The following PNPLA5 variants were observed in gnomAD, a reference collection of about 807,000 sequenced individuals.
The protein encoded by PNPLA5 is patatin like domain 5, triacylglycerol lipase, also known as patatin-like phospholipase domain-containing protein 5.
PNPLA5 carries 44 observed loss-of-function variants against 49.1 expected under a neutral mutation model. The ratio of observed to expected loss-of-function variants is 0.90; its 90% CI spans 0.70 to 1.15. The LOEUF (loss-of-function observed/expected upper bound fraction) is 1.15. Ranked by LOEUF, PNPLA5 falls within the 50% of genes most tolerant of loss-of-function variation. PNPLA5 has a pLI of 0.00. For missense variants in PNPLA5, 603 were observed against 564.0 expected, an observed-to-expected ratio of 1.07 and a Z score of -0.70; for synonymous variants, 243 against 244.4, an observed-to-expected ratio of 0.99 and a Z score of 0.06.
chr22:43,888,076 T>C (rs903566255), intron 4 of PNPLA5, among the ~76,000 whole-genome samples: 3 of 152,208 alleles, frequency 2.0e-5, no homozygotes, highest in African/African-American at 7.2e-5. Context: ...AGTACCAGAC[T>C]GAGGTGGGCT....
In PNPLA5 at chr22:43,891,073, C is replaced by T. The variant is rs1439352923; in HGVS notation, c.415G>A (p.Glu139Lys). 2 of 1,609,916 alleles carry T rather than the reference C, an allele frequency of 1.2e-6. 1 individual carries two copies. Among genetic ancestry groups the T allele is most frequent in the South Asian group, 2.2e-5 (2 of 90,156 alleles). The change falls in exon 2 of 9, where the codon GAG (glutamate) becomes AAG (lysine). Residue 139 changes from glutamate to lysine, a missense_variant. Physicochemically the swap from Glu to Lys is moderately conservative, Grantham distance 56. Coordinates refer to ENST00000216177, the MANE Select transcript of PNPLA5 (RefSeq NM_138814.4). ...CCCCCGCCCCACACCTGGATGAGCT[C>T]ATCGCAGGTGGCGAAGTCAGTGACC... Reference protein sequence around the residue: ...FLVTDFATCDELIQALVCTLY... With the variant: ...FLVTDFATCDKLIQALVCTLY...
rs112176855 is a variant in PNPLA5 at position 43,880,366 on chromosome 22, C to G, written c.*429G>C. ...AGGGCCGCTGCAGGACTGAGAAAGT[C>G]TGGGGGGAGCACCCCCACCCCATCA... On this transcript the variant is annotated 3_prime_UTR_variant, in exon 9 of 9. Transcript: ENST00000216177. The G allele has an allele frequency of 2.7e-3, 1,094 of 398,714 alleles. 13 individuals are homozygous for G. Among genetic ancestry groups the G allele is most frequent in the African/African-American group, 0.02 (972 of 48,762 alleles). The allele number at this position is 398,714 out of a possible 1,614,324, so 24.7% of individuals were successfully genotyped here. A position where few individuals can be genotyped will look rare whatever the true frequency, so the allele number is the denominator to read the frequency against.
intron 2 of PNPLA5, 175 bp from the exon 3 acceptor site, chr22:43,890,039 T>A (rs1414603015): frequency 5.0e-6 from 7 of 1,397,194 alleles, no homozygotes; most frequent in Non-Finnish European, 6.6e-6. Context: ...AAGCAGGGAT[T>A]GGAGCACCTC....
At chr22:43,886,735 G>A (rs1486901547) in intron 5 of PNPLA5, among the ~76,000 whole-genome samples, 3 of 152,096 alleles carry the variant, frequency 2.0e-5, no homozygotes, top group Non-Finnish European at 4.4e-5. Flanking sequence ...TTCGAATTCT[G>A]GCTCCACCAC....
chr22:43,889,929 G>A (rs1263763562), intron 2 of PNPLA5, 65 bp from the exon 3 acceptor site: 1 of 1,581,482 alleles, frequency 6.3e-7, no homozygotes, highest in East Asian at 2.3e-5. Context: ...ACCTTCCTAG[G>A]CACGGTTTCT....
Position 43,884,266 on chromosome 22 carries a change from G to A in PNPLA5, c.1029C>T (p.Tyr343=), listed in dbSNP as rs1271481466. The change falls in exon 7 of 9, where the codon TAC becomes TAT. Residue 343 remains tyrosine, a synonymous_variant. Transcript: ENST00000216177. The stretch of plus-strand genomic sequence containing the variant: ...AGGGCAGTGTGCAGGGTAGCAGCAG[G>A]TACGTCAGCACCTGTCCAGGCCCCG... ...WHSGPGQVLT[Y]LLLPCTLPFE... 5 of 1,598,264 alleles carry A rather than the reference G, an allele frequency of 3.1e-6. No individual in the cohort carries two copies. In the South Asian group the frequency reaches 4.5e-5, roughly 14 times the overall value.
At chr22:43,885,240 C>T (rs2148327334) in intron 6 of PNPLA5, among the ~76,000 whole-genome samples, 1 of 152,346 alleles carries the variant, frequency 6.6e-6, no homozygotes, top group Admixed American at 6.5e-5. Flanking sequence ...AGGGGTTCCG[C>T]ACAGGTCCCC....
chr22:43,881,116 G>C (rs1048224883), intron 8 of PNPLA5: 2 of 557,696 alleles, frequency 3.6e-6, no homozygotes, highest in Non-Finnish European at 4.6e-6. Flanking sequence ...GATAACTGTC[G>C]AGTGGGTGGG....
chr22:43,882,963 CAG>C (rs2049625435), intron 7 of PNPLA5, among the ~76,000 whole-genome samples: 1 of 152,224 alleles, frequency 6.6e-6, no homozygotes, highest in Non-Finnish European at 1.5e-5. Context: ...CAGCTGGCTC[CAG>C]AGCTCAGTGC....
chr22:43,884,507 C>T (rs1001544996), intron 6 of PNPLA5, 162 bp from the exon 7 acceptor site: 29 of 704,792 alleles, frequency 4.1e-5, no homozygotes, highest in South Asian at 3.2e-4. Context: ...GGTAGCTCTG[C>T]GCTCATCGTT....
chr22:43,888,835 G>C (rs1303001449), intron 4 of PNPLA5, among the ~76,000 whole-genome samples: 2 of 152,176 alleles, frequency 1.3e-5, no homozygotes, highest in African/African-American at 4.8e-5. Context: ...TTTGTGCCTT[G>C]CCTCTACAAT....
intron 3 of PNPLA5, 98 bp from the exon 4 acceptor site, chr22:43,889,636 G>A: frequency 1.3e-6 from 2 of 1,532,106 alleles, no homozygotes; most frequent in Non-Finnish European, 1.8e-6. Context: ...TGAGTCACCA[G>A]GGCCACTCCA....
At chr22:43,881,422 G>A in intron 8 of PNPLA5, 136 bp downstream of exon 8, 2 of 873,420 alleles carry the variant, frequency 2.3e-6, no homozygotes, top group Non-Finnish European at 3.5e-6. Flanking sequence ...GGCTGCATGA[G>A]TAGGCCAGAG....
chr22:43,889,252 T>A, intron 4 of PNPLA5, 77 bp downstream of exon 4: 2 of 1,527,024 alleles, frequency 1.3e-6, no homozygotes, highest in Non-Finnish European at 1.8e-6. Context: ...CAGTGGGGGT[T>A]AGGAGCACAC....
intron 7 of PNPLA5, 76 bp from the exon 8 acceptor site, chr22:43,881,750 C>T: frequency 1.3e-6 from 2 of 1,556,572 alleles, no homozygotes; most frequent in Non-Finnish European, 1.7e-6. Context: ...TCCCCATAGG[C>T]CCAGAGCACA....
At chr22:43,882,605 CT>C (rs2049621749) in intron 7 of PNPLA5, among the ~76,000 whole-genome samples, 1 of 152,242 alleles carries the variant, frequency 6.6e-6, no homozygotes, top group Non-Finnish European at 1.5e-5. Flanking sequence ...GTGAACTTCC[CT>C]GTGGTCTGGG....
chr22:43,881,776 C>T (rs1438701631), intron 7 of PNPLA5, 102 bp from the exon 8 acceptor site: 2 of 1,493,794 alleles, frequency 1.3e-6, no homozygotes, highest in Non-Finnish European at 1.8e-6. Context: ...GAGCCCTGCT[C>T]CTGAGGGCTG....
Position 43,889,535 on chromosome 22 carries a change from A to G in PNPLA5, c.496T>C (p.Tyr166His). 1 of 1,603,312 alleles carries G rather than the reference A, an allele frequency of 6.2e-7. No individual in the cohort carries two copies. Among genetic ancestry groups the G allele is most frequent in the East Asian group, 2.2e-5 (1 of 44,686 alleles). Reference sequence around the variant, plus strand: ...TTGTTGCTCAGAGCCCCATCGATGTAGCGCTGCAATTTGTGGGGAGCAGGT... The same window carrying G: ...TTGTTGCTCAGAGCCCCATCGATGTGGCGCTGCAATTTGTGGGGAGCAGGT... ...LIPPEFRGERYIDGALSNNLP... is the reference protein window; with the variant it reads ...LIPPEFRGERHIDGALSNNLP... Residue 166 changes from tyrosine to histidine, a missense_variant, in exon 4 of 9, where the codon TAC (tyrosine) becomes CAC (histidine). Tyr to His is a moderately conservative substitution (Grantham distance 83). Coordinates refer to ENST00000216177, the MANE Select transcript of PNPLA5 (RefSeq NM_138814.4).
intron 2 of PNPLA5, 66 bp downstream of exon 2, chr22:43,890,996 G>A (rs2148331154): frequency 6.4e-7 from 1 of 1,551,066 alleles, no homozygotes; most frequent in East Asian, 2.3e-5. Flanking sequence ...GGAAGTACCT[G>A]GATGTCACTC....
Sources: gnomAD v4.1 joint callset for allele counts (sites outside exome capture counted in the v4.1 genomes callset) on GRCh38, gnomAD v4.1.1 for gene constraint, MANE v1.5 for transcripts, NCBI Gene and HGNC (gene_info 2026-07-23, HGNC 2026-07-21) for gene names.